The following DNAJC25 variants were observed in gnomAD, a reference collection of about 807,000 sequenced individuals.
DNAJC25 encodes the protein dnaJ homolog subfamily C member 25.
Under a neutral mutation model 42.1 loss-of-function variants are expected in DNAJC25, and 26 were observed. That is an observed-to-expected ratio of 0.62 (90% CI 0.45 to 0.86). The LOEUF (loss-of-function observed/expected upper bound fraction) is 0.86, where lower values mean the gene tolerates loss of function less well. Ranked by LOEUF, DNAJC25 falls within the 40% of genes least tolerant of loss-of-function variation. DNAJC25 has a pLI of 0.00. For synonymous variants in DNAJC25, 189 were observed against 179.9 expected (o/e 1.05, Z -0.40); for missense variants, 404 against 459.4 (o/e 0.88, Z 1.10).
rs546945723 is a variant in DNAJC25 at position 111,653,196 on chromosome 9, G to A, written c.1057G>A (p.Gly353Arg). The change falls in exon 4 of 4, where the codon GGG becomes AGG. Residue 353 changes from glycine to arginine, a missense_variant. Transcript: ENST00000313525. ...YRRWMKNEGP[G>R]RLTFVDD ...GAGATGGATGAAGAATGAAGGGCCTGGGCGGTTAACATTTGTGGATGACTG... is the reference window on the plus strand; with the variant it reads ...GAGATGGATGAAGAATGAAGGGCCTAGGCGGTTAACATTTGTGGATGACTG... The A allele has an allele frequency of 5.6e-4, 889 of 1,590,034 alleles. 9 individuals are homozygous for A. The South Asian group carries it at 9.4e-3, about 17-fold the overall frequency.
At chr9:111,652,859 G>A (rs999561451) in intron 3 of DNAJC25, among the ~76,000 whole-genome samples, 19 of 152,110 alleles carry the variant, frequency 1.2e-4, no homozygotes, top group African/African-American at 4.6e-4. Flanking sequence ...AAAATTACTA[G>A]TTCTTATACA....
intron 3 of DNAJC25, among the ~76,000 whole-genome samples, chr9:111,652,024 G>C (rs112211326): frequency 2.6e-5 from 4 of 152,230 alleles, no homozygotes; most frequent in Admixed American, 6.5e-5. Context: ...AGGTCATTTT[G>C]TTCCTTGGTT....
chr9:111,639,912 C>T (rs1326431280), intron 1 of DNAJC25, among the ~76,000 whole-genome samples: 2 of 135,662 alleles, frequency 1.5e-5, no homozygotes, highest in Non-Finnish European at 3.1e-5. Flanking sequence ...CCCTCTCCCT[C>T]TCCCTCTCCC....
chr9:111,644,661 G>A (rs187444793), intron 1 of DNAJC25, among the ~76,000 whole-genome samples: 1 of 152,160 alleles, frequency 6.6e-6, no homozygotes, highest in African/African-American at 2.4e-5. Context: ...GTGGCATTTC[G>A]TTTAAAAGCT....
At chr9:111,642,955 C>G (rs1464486741) in intron 1 of DNAJC25, 1 of 470,812 alleles carries the variant, frequency 2.1e-6, no homozygotes, top group Non-Finnish European at 4.4e-6. Context: ...GCTTATTGCC[C>G]TGCTTGTCAA....
At position 111,649,568 on chromosome 9, in the gene DNAJC25, A is replaced by C; in HGVS notation, c.605A>C (p.Lys202Thr). The C allele has an allele frequency of 6.2e-7, 1 of 1,614,144 alleles. No individual in the cohort carries two copies. Among genetic ancestry groups the C allele is most frequent in the East Asian group, 2.2e-5 (1 of 44,882 alleles). The change falls in exon 3 of 4, where the codon AAA (lysine) becomes ACA (threonine). Residue 202 changes from lysine (K) to threonine (T), a missense_variant. Physicochemically the swap from Lys to Thr is moderately conservative, Grantham distance 78. Transcript: ENST00000313525. ...CAGCAGGGACTGCTCAAAAAAGCCA[A>C]AGAAAAAGGCAAAAACAAAAAGTCC... ...AKQQGLLKKA[K>T]EKGKNKKSKE... is the part of the protein sequence containing the mutation.
At chr9:111,647,296 G>A in intron 2 of DNAJC25, 37 bp downstream of exon 2, 1 of 1,609,152 alleles carries the variant, frequency 6.2e-7, no homozygotes, top group Non-Finnish European at 8.5e-7. Context: ...ACATTTATGT[G>A]CATTGAGTGC....
chr9:111,644,799 T>C (rs1830541449), intron 1 of DNAJC25, among the ~76,000 whole-genome samples: 1 of 152,228 alleles, frequency 6.6e-6, no homozygotes, highest in Admixed American at 6.5e-5. Context: ...TCTATAAAAT[T>C]AGCCCAAAAA....
At chr9:111,638,576 G>GT (rs1253637636) in intron 1 of DNAJC25, among the ~76,000 whole-genome samples, 22 of 151,782 alleles carry the variant, frequency 1.4e-4, no homozygotes, top group Non-Finnish European at 2.2e-4. Context: ...CAAACTTGCT[G>GT]TTTTTTTTCC....
In DNAJC25 at chr9:111,649,870, C is replaced by G; in HGVS notation, c.907C>G (p.His303Asp). The G allele has an allele frequency of 6.2e-7, 1 of 1,600,940 alleles. No individual in the cohort carries two copies. The highest frequency in any genetic ancestry group is 8.5e-7 in the Non-Finnish European group (1 of 1,176,746). ...GTCTCAATTTGATAGTCTAGAAGAT[C>G]ATCAGAAAGAAACTTTTCTTAAACG... is the stretch of plus-strand genomic sequence containing the variant. ...SKSQFDSLED[H>D]QKETFLKREL... is the part of the protein sequence containing the mutation. Residue 303 changes from histidine to aspartate, a missense_variant, in exon 3 of 4, where the codon CAT becomes GAT. By Grantham distance (81) the His-to-Asp change is moderately conservative. Coordinates refer to ENST00000313525, the MANE Select transcript of DNAJC25 (RefSeq NM_001015882.3).
chr9:111,644,530 C>T (rs1830535463), intron 1 of DNAJC25, among the ~76,000 whole-genome samples: 1 of 152,186 alleles, frequency 6.6e-6, no homozygotes, highest in African/African-American at 2.4e-5. Flanking sequence ...ATGATGTCCG[C>T]TTACCAGATT....
intron 1 of DNAJC25, among the ~76,000 whole-genome samples, chr9:111,638,379 A>G (rs1442521385): frequency 6.6e-6 from 1 of 152,196 alleles, no homozygotes; most frequent in Non-Finnish European, 1.5e-5. Flanking sequence ...AATAGGAGTC[A>G]TTTGCATTAT....
At chr9:111,643,752 G>T (rs932634879) in intron 1 of DNAJC25, among the ~76,000 whole-genome samples, 1 of 151,430 alleles carries the variant, frequency 6.6e-6, no homozygotes, top group Admixed American at 6.6e-5. Flanking sequence ...AAAAAAAATT[G>T]TGTGGCTACC....
chr9:111,641,684 G>T (rs1323872357), intron 1 of DNAJC25, among the ~76,000 whole-genome samples: 1 of 107,358 alleles, frequency 9.3e-6, no homozygotes, highest in South Asian at 2.9e-4. Context: ...TGGGGGGGGG[G>T]TCAGCCCCCC....
At chr9:111,649,999 T>C in intron 3 of DNAJC25, 76 bp downstream of exon 3, 3 of 1,285,394 alleles carry the variant, frequency 2.3e-6, no homozygotes, top group Non-Finnish European at 3.1e-6. Flanking sequence ...TAATGAGGGA[T>C]CACAGAAGTG....
chr9:111,651,842 A>G (rs1830665789), intron 3 of DNAJC25, among the ~76,000 whole-genome samples: 1 of 143,454 alleles, frequency 7.0e-6, no homozygotes, highest in Non-Finnish European at 1.5e-5. Flanking sequence ...GTGAGACCCC[A>G]TCTCAAAAAA....
At chr9:111,648,617 A>G (rs1274650216) in intron 2 of DNAJC25, among the ~76,000 whole-genome samples, 2 of 152,196 alleles carry the variant, frequency 1.3e-5, no homozygotes, top group East Asian at 1.9e-4. Context: ...CTAAGGTGGT[A>G]TGTTTAAAAT....
chr9:111,642,699 A>C lies in DNAJC25; in HGVS notation c.337-4408A>C, dbSNP rs1830499691. ...AAATTATTACAATTTATGTACTGAG[A>C]TCAAACAATTCATGATTTCCTTCAA... On this transcript the variant is annotated intron_variant, in intron 1 of 3. Coordinates refer to ENST00000313525, the MANE Select transcript of DNAJC25 (RefSeq NM_001015882.3). The C allele has an allele frequency of 4.0e-5, 9 of 222,780 alleles. No homozygotes were observed. The South Asian group carries it at 6.4e-4, about 16-fold the overall frequency. The allele number at this position is 222,780 out of a possible 1,614,324, so 13.8% of individuals were successfully genotyped here. A position where few individuals can be genotyped will look rare whatever the true frequency, so the allele number is the denominator to read the frequency against.
At chr9:111,634,548 A>C (rs181467339) in intron 1 of DNAJC25, among the ~76,000 whole-genome samples, 3 of 152,298 alleles carry the variant, frequency 2.0e-5, no homozygotes, top group African/African-American at 7.2e-5. Context: ...GGTCAGATAG[A>C]ATAGTGGGAG....
Sources: gnomAD v4.1 joint callset for allele counts (sites outside exome capture counted in the v4.1 genomes callset) on GRCh38, gnomAD v4.1.1 for gene constraint, MANE v1.5 for transcripts, NCBI Gene and HGNC (gene_info 2026-07-23, HGNC 2026-07-21) for gene names.